CCND3: variants seen among roughly 807,000 people sequenced by gnomAD.
CCND3 encodes cyclin D3.
A neutral mutation model predicts 28.7 loss-of-function variants in CCND3; 9 were observed. The ratio of observed to expected loss-of-function variants is 0.31; its 90% CI spans 0.19 to 0.55. CCND3 has a LOEUF of 0.55. Ranked by LOEUF, CCND3 falls within the 20% of genes least tolerant of loss-of-function variation. CCND3 has a pLI of 0.93. For synonymous variants in CCND3, 164 were observed against 163.9 expected, an observed-to-expected ratio of 1.00 and a Z score of 0.00; for missense variants, 315 against 385.8, an observed-to-expected ratio of 0.82 and a Z score of 1.54.
At chr6:42,018,790 C>T (rs1763606875) in intron 1 of CCND3, among the ~76,000 whole-genome samples, 1 of 151,130 alleles carries the variant, frequency 6.6e-6, no homozygotes. Flanking sequence ...ACTCAGGAGG[C>T]TGAGGCAGGA....
chr6:41,995,165 GC>G (rs1244617045), intron 1 of CCND3, among the ~76,000 whole-genome samples: 1 of 152,046 alleles, frequency 6.6e-6, no homozygotes, highest in Non-Finnish European at 1.5e-5. Flanking sequence ...ATTTATTATA[GC>G]AAAAAATTTG....
Position 41,941,370 on chromosome 6 carries a change from G to A in CCND3, c.198+82C>T. The A allele has an allele frequency of 6.4e-7, 1 of 1,560,060 alleles. No homozygotes were observed. The highest frequency in any genetic ancestry group is 8.6e-7 in the Non-Finnish European group (1 of 1,157,630). Reference sequence around the variant, plus strand: ...TCGGAGCATCCTGCAGATTGCTGTGGGGACCGGGATGTCCCGACAGGGCGG... The same window carrying A: ...TCGGAGCATCCTGCAGATTGCTGTGAGGACCGGGATGTCCCGACAGGGCGG... On this transcript the variant is annotated intron_variant, in intron 1 of 4. Coordinates refer to ENST00000372991, the MANE Select transcript of CCND3 (RefSeq NM_001760.5). This position sits in a 1 kb window ranked among gnomAD's most constrained non-coding sequence, Gnocchi z 6.1.
chr6:41,995,523 T>C (rs1447050311), intron 1 of CCND3, among the ~76,000 whole-genome samples: 2 of 152,158 alleles, frequency 1.3e-5, no homozygotes, highest in African/African-American at 4.8e-5. Context: ...CCCAAAGTGC[T>C]GGGATTACAG....
intron 1 of CCND3, among the ~76,000 whole-genome samples, chr6:41,960,107 C>T (rs759682664): frequency 1.2e-4 from 18 of 152,110 alleles, no homozygotes; most frequent in Non-Finnish European, 1.8e-4. Flanking sequence ...GAAACCATCA[C>T]GGTAAAAGTG....
chr6:42,006,984 G>C (rs571494822), intron 1 of CCND3, among the ~76,000 whole-genome samples: 1 of 152,152 alleles, frequency 6.6e-6, no homozygotes, highest in African/African-American at 2.4e-5. Flanking sequence ...AGATTTGTTA[G>C]AGGGATGGCA....
At chr6:41,966,517 G>T (rs1237691106) in intron 1 of CCND3, among the ~76,000 whole-genome samples, 1 of 152,172 alleles carries the variant, frequency 6.6e-6, no homozygotes, top group Non-Finnish European at 1.5e-5. Context: ...ATCTCCAGGT[G>T]ATTCCGAAAC....
chr6:41,993,403 A>C (rs1213040700), intron 1 of CCND3, among the ~76,000 whole-genome samples: 1 of 132,806 alleles, frequency 7.5e-6, no homozygotes, highest in Admixed American at 8.8e-5. Context: ...TGTTAAGCTC[A>C]TGTCTTCTTT....
chr6:42,003,162 CAAAA>C (rs55721061), intron 1 of CCND3, among the ~76,000 whole-genome samples: 147 of 110,348 alleles, frequency 1.3e-3, no homozygotes, highest in Non-Finnish European at 2.0e-3. Flanking sequence ...AACAGCGTGT[CAAAA>C]AAAAAAAAAA....
At chr6:41,960,086 G>A (rs890584411) in intron 1 of CCND3, among the ~76,000 whole-genome samples, 11 of 152,136 alleles carry the variant, frequency 7.2e-5, no homozygotes, top group South Asian at 2.1e-4. Context: ...GCTACAACAC[G>A]GATGAGTCCT....
rs759222146 is a variant in CCND3, at chr6:42,048,164, C to A, written c.-46+337G>T. ...GCCAGAGCACTCACAGACTCCCCAT[C>A]CACACTGGTCTGCCCTCCTACTGGC... On this transcript the variant is annotated intron_variant, in intron 1 of 4. Transcript: ENST00000372988. This position sits in a 1 kb window ranked among gnomAD's most constrained non-coding sequence, Gnocchi z 4.7. The A allele has an allele frequency of 5.0e-6, 1 of 201,478 alleles. No homozygotes were observed. Among genetic ancestry groups the A allele is most frequent in the Non-Finnish European group, 1.0e-5 (1 of 98,492 alleles). 12.5% of individuals were successfully genotyped at this position (201,478 alleles called of 1,614,324 possible).
At chr6:41,968,596 A>G (rs188122859) in intron 1 of CCND3, among the ~76,000 whole-genome samples, 39 of 152,232 alleles carry the variant, frequency 2.6e-4, no homozygotes, top group African/African-American at 9.1e-4. Context: ...ACAAACAACA[A>G]CAACAAAGAC....
Position 41,936,282 on chromosome 6 carries a change from G to C in CCND3, c.712-175C>G, listed in dbSNP as rs1404936207. The C allele has an allele frequency of 1.4e-6, 1 of 729,486 alleles. No homozygotes were observed. The highest frequency in any genetic ancestry group is 2.7e-5 in the East Asian group (1 of 36,852). The allele number at this position is 729,486 out of a possible 1,614,324, so 45.2% of individuals were successfully genotyped here. ...ACTAGCAAGAGGATGTGGCAAGGGA[G>C]TGTGAGAGCAGCCCTGCATCTGACA... On this transcript the variant is annotated intron_variant, in intron 4 of 4. Transcript: ENST00000372991. The surrounding 1 kb of genome is among the most constrained non-coding windows in gnomAD (Gnocchi z 4.4).
At chr6:41,990,660 ATTTT>A (rs67939325) in intron 1 of CCND3, among the ~76,000 whole-genome samples, 9 of 121,296 alleles carry the variant, frequency 7.4e-5, no homozygotes, top group South Asian at 2.5e-4. Context: ...TAACCAACTG[ATTTT>A]TTTTTTTTTT....
intron 1 of CCND3, among the ~76,000 whole-genome samples, chr6:42,044,784 T>TTTATTTATTTATTTAC (rs1562001896): frequency 1.3e-4 from 2 of 15,514 alleles, no homozygotes; most frequent in Non-Finnish European, 6.8e-4. Flanking sequence ...TTTCTTTCCT[T>TTTATTTATTTATTTAC]TTATTTATTT....
chr6:42,000,234 C>CGTTTTTTTTTTTTTTTTTTTTTT (rs1762951898), intron 1 of CCND3, among the ~76,000 whole-genome samples: 3 of 50,996 alleles, frequency 5.9e-5, no homozygotes, highest in African/African-American at 9.2e-5. Context: ...TGAAAACATA[C>CGTTTTTTTTTTTTTTTTTTTTTT]TTTTTTTTTT....
At chr6:41,980,183 T>C (rs1762303236) in intron 1 of CCND3, among the ~76,000 whole-genome samples, 1 of 151,604 alleles carries the variant, frequency 6.6e-6, no homozygotes, top group African/African-American at 2.4e-5. Flanking sequence ...TTGCTCAGAC[T>C]GGAGTGCAGT....
intron 1 of CCND3, among the ~76,000 whole-genome samples, chr6:41,988,260 C>T (rs994524817): frequency 6.6e-6 from 1 of 152,002 alleles, no homozygotes; most frequent in African/African-American, 2.4e-5. Context: ...GAGCTGAGAT[C>T]GTGCCATTGC....
intron 1 of CCND3, among the ~76,000 whole-genome samples, chr6:41,954,155 G>T (rs1353084216): frequency 1.3e-5 from 2 of 148,622 alleles, no homozygotes; most frequent in African/African-American, 2.5e-5. Context: ...AGAGGCTGAG[G>T]CAGGAGAATC....
At chr6:42,000,971 T>C (rs1445131056) in intron 1 of CCND3, among the ~76,000 whole-genome samples, 2 of 151,358 alleles carry the variant, frequency 1.3e-5, no homozygotes, top group African/African-American at 4.8e-5. Context: ...GCACGGTGGC[T>C]CACGCCTGTA....
Sources: allele counts gnomAD v4.1 joint callset (sites outside exome capture counted in the v4.1 genomes callset), GRCh38; gene constraint gnomAD v4.1.1; non-coding constraint Gnocchi (gnomAD v3.1); transcripts MANE v1.5; gene names NCBI Gene and HGNC (gene_info 2026-07-23, HGNC 2026-07-21).